Variants in BCL2 observed in about 807,000 individuals in gnomAD.
BCL2 encodes apoptosis regulator Bcl-2.
Under a neutral mutation model 14.2 loss-of-function variants are expected in BCL2, and 1 was observed. The ratio of observed to expected loss-of-function variants is 0.07; its 90% CI spans 0.02 to 0.33. The LOEUF (loss-of-function observed/expected upper bound fraction) is 0.33. BCL2 is among the 10% of genes least tolerant of loss of function. BCL2 has a pLI of 0.99. For missense variants in BCL2, 247 were observed against 305.9 expected (o/e 0.81, Z 1.44); for synonymous variants, 151 against 137.2 (o/e 1.10, Z -0.70).
chr18:63,190,613 G>A (rs1055555897), intron 2 of BCL2, among the ~76,000 whole-genome samples: 1 of 152,220 alleles, frequency 6.6e-6, no homozygotes, highest in Non-Finnish European at 1.5e-5. Context: ...CCCTTCCTGA[G>A]GGTCAAGCCC....
rs59266962 is a variant in BCL2 at position 63,154,762 on chromosome 18, C to T, written c.586-26003G>A. On this transcript the variant is annotated intron_variant, in intron 2 of 2. Transcript: ENST00000333681. The stretch of plus-strand genomic sequence containing the variant: ...CTCACTGCCACCTGTCTCTCTCCTC[C>T]TTGGGGGCACTGGCTACATTTTCTT... Among the ~76,000 whole-genome samples the T allele has an allele frequency of 6.1e-3, 934 of 152,322 alleles. 8 individuals are homozygous for T. The highest frequency in any genetic ancestry group is 0.021 in the African/African-American group (885 of 41,568).
intron 2 of BCL2, among the ~76,000 whole-genome samples, chr18:63,290,476 T>A (rs1432302004): frequency 6.6e-6 from 1 of 152,220 alleles, no homozygotes; most frequent in African/African-American, 2.4e-5. Context: ...GCGAGGTTTG[T>A]TCCCTTAGAA....
At chr18:63,253,835 GAAAA>G (rs1346311538) in intron 2 of BCL2, among the ~76,000 whole-genome samples, 5 of 121,980 alleles carry the variant, frequency 4.1e-5, no homozygotes, top group Admixed American at 3.3e-4. Context: ...GAGCTAACCA[GAAAA>G]AAAAAAAAGA....
At chr18:63,279,598 T>C (rs548874635) in intron 2 of BCL2, among the ~76,000 whole-genome samples, 2 of 152,370 alleles carry the variant, frequency 1.3e-5, no homozygotes, top group South Asian at 2.1e-4. Flanking sequence ...CTATTTGGTG[T>C]GTTCCCAATA....
chr18:63,162,858 TC>T (rs1427303871), intron 2 of BCL2, among the ~76,000 whole-genome samples: 1 of 151,578 alleles, frequency 6.6e-6, no homozygotes, highest in Non-Finnish European at 1.5e-5. Flanking sequence ...CTTCCTTCCC[TC>T]CTTCCTTCCT....
intron 2 of BCL2, among the ~76,000 whole-genome samples, chr18:63,254,383 TA>T (rs71162613): frequency 7.5e-4 from 29 of 38,412 alleles, no homozygotes; most frequent in African/African-American, 6.8e-4. Flanking sequence ...CTGTCTTTGC[TA>T]AAAAAAAAAA....
At chr18:63,302,251 G>A (rs1912982611) in intron 2 of BCL2, 4 of 793,982 alleles carry the variant, frequency 5.0e-6, no homozygotes, top group Non-Finnish European at 6.1e-6. Flanking sequence ...CAGTGAGCCG[G>A]GACTGCACCA....
rs537903627 is a variant in BCL2, at chr18:63,125,004, G to A, written c.*3621C>T. 4.5e-6 allele frequency: 1 copy of A among 221,452 alleles called. No homozygotes were observed. Among genetic ancestry groups the A allele is most frequent in the South Asian group, 1.8e-4 (1 of 5,412 alleles). The allele number at this position is 221,452 out of a possible 1,614,324, so 13.7% of individuals were successfully genotyped here. A position where few individuals can be genotyped will look rare whatever the true frequency, so the allele number is the denominator to read the frequency against. The stretch of plus-strand genomic sequence containing the variant: ...TTTAGGATAAGTTCAATTACAAATA[G>A]AGACTATTTGCAATTCTGTTCACTC... On this transcript the variant is annotated 3_prime_UTR_variant, in exon 3 of 3. Coordinates refer to ENST00000333681, the MANE Select transcript of BCL2 (RefSeq NM_000633.3).
intron 2 of BCL2, among the ~76,000 whole-genome samples, chr18:63,250,891 C>T (rs1467299507): frequency 1.3e-5 from 2 of 152,124 alleles, no homozygotes; most frequent in Non-Finnish European, 2.9e-5. Flanking sequence ...CAATCACTAA[C>T]ATGCAACCCA....
chr18:63,173,061 C>T (rs1786872129), intron 2 of BCL2, among the ~76,000 whole-genome samples: 2 of 152,330 alleles, frequency 1.3e-5, no homozygotes, highest in South Asian at 2.1e-4. Flanking sequence ...TTCAAAACCA[C>T]AAAAAGTTTA....
At chr18:63,134,099 T>C (rs996927504) in intron 2 of BCL2, among the ~76,000 whole-genome samples, 1 of 151,998 alleles carries the variant, frequency 6.6e-6, no homozygotes, top group Non-Finnish European at 1.5e-5. Context: ...AAAAATAATA[T>C]AAAGGAAAAC....
intron 2 of BCL2, among the ~76,000 whole-genome samples, chr18:63,263,454 G>C (rs1911720585): frequency 6.6e-6 from 1 of 152,182 alleles, no homozygotes; most frequent in Non-Finnish European, 1.5e-5. Context: ...ATGGGGGTGA[G>C]GGAGCAGGAG....
chr18:63,230,620 C>A (rs1910664359), intron 2 of BCL2, among the ~76,000 whole-genome samples: 1 of 151,978 alleles, frequency 6.6e-6, no homozygotes, highest in African/African-American at 2.4e-5. Flanking sequence ...CAAATAAACA[C>A]TATTAGGCAT....
chr18:63,198,449 GAC>G lies in BCL2; in HGVS notation c.586-69692_586-69691del, dbSNP rs1231329503. On this transcript the variant is annotated intron_variant, in intron 2 of 2. Transcript: ENST00000333681. ...ACACACAGACACACACTGACACACA[GAC>G]ACAGAGACACACACAGACACACACT... is the stretch of plus-strand genomic sequence containing the variant. Among the ~76,000 whole-genome samples, 19 of 104,270 alleles carry G rather than the reference GAC, an allele frequency of 1.8e-4. 2 individuals carry two copies. The South Asian group carries it at 4.0e-3, about 22-fold the overall frequency. 68.4% of individuals were successfully genotyped at this position (104,270 alleles called of 152,430 possible).
At chr18:63,314,669 T>C (rs1913442084) in intron 2 of BCL2, 1 of 152,222 alleles carries the variant, frequency 6.6e-6, no homozygotes, top group Non-Finnish European at 1.5e-5. Flanking sequence ...ATCCCTTGCC[T>C]GCAAGAGTCC....
chr18:63,257,423 T>C (rs1444211824), intron 2 of BCL2, among the ~76,000 whole-genome samples: 1 of 152,154 alleles, frequency 6.6e-6, no homozygotes, highest in Admixed American at 6.5e-5. Flanking sequence ...AAACAGAAAT[T>C]ATGCTGTCAT....
intron 2 of BCL2, among the ~76,000 whole-genome samples, chr18:63,156,479 G>T (rs1439732936): frequency 9.9e-5 from 15 of 152,108 alleles, no homozygotes; most frequent in Admixed American, 2.0e-4. Flanking sequence ...CGTGCCAAAT[G>T]TCCCCTGGAA....
intron 2 of BCL2, among the ~76,000 whole-genome samples, chr18:63,293,836 A>G (rs1193543037): frequency 2.6e-5 from 4 of 152,242 alleles, no homozygotes; most frequent in African/African-American, 9.6e-5. Context: ...ATGTAAATTT[A>G]TGGAAACACT....
At chr18:63,279,549 G>C (rs545986340) in intron 2 of BCL2, among the ~76,000 whole-genome samples, 2 of 152,318 alleles carry the variant, frequency 1.3e-5, no homozygotes, top group African/African-American at 2.4e-5. Flanking sequence ...CAAAACAACA[G>C]GAACTCTCAT....
Sources: gnomAD v4.1 joint callset for allele counts (sites outside exome capture counted in the v4.1 genomes callset) on GRCh38, gnomAD v4.1.1 for gene constraint, MANE v1.5 for transcripts, NCBI Gene and HGNC (gene_info 2026-07-23, HGNC 2026-07-21) for gene names.